ZNF525: variants seen among roughly 807,000 people sequenced by gnomAD.
The protein encoded by ZNF525 is zinc finger protein 525.
A neutral mutation model predicts 37.6 loss-of-function variants in ZNF525; 33 were observed. That is an observed-to-expected ratio of 0.88 (90% confidence interval 0.67 to 1.17). ZNF525 has a LOEUF of 1.17. ZNF525 is among the 50% of genes most tolerant of loss of function. The probability of loss-of-function intolerance (pLI) is 0.00; values close to 1 mark genes in which losing one functional copy is unlikely to be tolerated. For synonymous variants in ZNF525, 170 were observed against 182.3 expected (o/e 0.93, Z 0.54); for missense variants, 449 against 543.1 (o/e 0.83, Z 1.72).
At position 53,382,037 on chromosome 19, in the gene ZNF525, G is replaced by C; in HGVS notation, c.*18G>C. ...TCAAATAAAATCTTGAAATACGTCA[G>C]AAAATTCATACTGGAGAGAAATGTT... On this transcript the variant is annotated 3_prime_UTR_variant, in exon 4 of 4. Transcript: ENST00000474037. 3.0e-6 allele frequency: 4 copies of C among 1,344,756 alleles called. No individual in the cohort carries two copies. The highest frequency in any genetic ancestry group is 4.2e-6 in the Non-Finnish European group (4 of 951,200). The allele number at this position is 1,344,756 out of a possible 1,614,324, so 83.3% of individuals were successfully genotyped here.
chr19:53,370,413 CA>C (rs202164037), intron 1 of ZNF525, among the ~76,000 whole-genome samples: 3,374 of 118,160 alleles, frequency 0.029, 123 homozygotes, highest in African/African-American at 0.09. Context: ...GACTCCATGT[CA>C]AAAAAAAAAA....
chr19:53,375,446 G>A (rs938608624), intron 2 of ZNF525, among the ~76,000 whole-genome samples: 14 of 152,056 alleles, frequency 9.2e-5, no homozygotes, highest in African/African-American at 2.2e-4. Flanking sequence ...TTAAATTGGC[G>A]TGGTGGCATG....
At position 53,379,278 on chromosome 19, in the gene ZNF525, G is replaced by A. The variant is rs376242422; in HGVS notation, c.143-1444G>A. The A allele has an allele frequency of 2.6e-5, 4 of 152,106 alleles. No individual in the cohort carries two copies. In the East Asian group the frequency reaches 7.7e-4, roughly 29 times the overall value. The allele number at this position is 152,106 out of a possible 1,614,324, so 9.4% of individuals were successfully genotyped here. On this transcript the variant is annotated intron_variant, in intron 3 of 3. Coordinates refer to ENST00000474037, the MANE Select transcript of ZNF525 (RefSeq NM_001348156.2). Reference sequence around the variant, plus strand: ...TTACAGGCACCCGCCACCACACCCAGCTAATTTTTTTGTATTTTTAGTAGA... The same window carrying A: ...TTACAGGCACCCGCCACCACACCCAACTAATTTTTTTGTATTTTTAGTAGA...
Position 53,382,612 on chromosome 19 carries a change from TTACC to T in ZNF525, c.*594_*597del. The T allele has an allele frequency of 1.5e-6, 1 of 680,374 alleles. No homozygotes were observed. The highest frequency in any genetic ancestry group is 2.7e-6 in the Non-Finnish European group (1 of 365,578). The allele number at this position is 680,374 out of a possible 1,614,324, so 42.1% of individuals were successfully genotyped here. ...CCTTTCATAGGCAGTCAGCGCTTAT[TTACC>T]ATCAAGCAATCCATGGCAGAGGGAA... On this transcript the variant is annotated 3_prime_UTR_variant, in exon 4 of 4. Coordinates refer to ENST00000474037, the MANE Select transcript of ZNF525 (RefSeq NM_001348156.2).
rs1215795214 is a variant in ZNF525, at chr19:53,382,227, C to T, written c.*208C>T. The T allele has an allele frequency of 5.1e-5, 80 of 1,573,872 alleles. No individual in the cohort carries two copies. The highest frequency in any genetic ancestry group is 1.9e-5 in the Non-Finnish European group (22 of 1,144,194). The stretch of plus-strand genomic sequence containing the variant: ...TAGGAGAATTCACACTGGTGAGAAA[C>T]CTTACAGGTGTAATAGGTGTGGCAA... On this transcript the variant is annotated 3_prime_UTR_variant, in exon 4 of 4. Transcript: ENST00000474037.
At position 53,368,550 on chromosome 19, in the gene ZNF525, C is replaced by A. The variant is rs142942042; in HGVS notation, c.-68+2791C>A. On this transcript the variant is annotated intron_variant, in intron 1 of 3. Coordinates refer to ENST00000474037, the MANE Select transcript of ZNF525 (RefSeq NM_001348156.2). ...TTTTGCTTCTTAAGGCCAGTGGTCT[C>A]CTATGTTAGTCCTTCTACAAACATA... Among the ~76,000 whole-genome samples, 979 of 152,226 alleles carry A rather than the reference C, an allele frequency of 6.4e-3. 3 individuals carry two copies. The highest frequency in any genetic ancestry group is 0.01 in the Non-Finnish European group (689 of 68,018).
intron 1 of ZNF525, among the ~76,000 whole-genome samples, chr19:53,367,049 T>C (rs1419047340): frequency 1.3e-5 from 2 of 152,150 alleles, no homozygotes; most frequent in African/African-American, 4.8e-5. Context: ...ATCTATAGCA[T>C]AGCATAACTT....
rs2085519716 is a variant in ZNF525, at chr19:53,376,065, A to T, written c.142+169A>T. On this transcript the variant is annotated intron_variant, in intron 3 of 3. Coordinates refer to ENST00000474037, the MANE Select transcript of ZNF525 (RefSeq NM_001348156.2). ...TGGGCTCAAGTGATTGTCCCACCTC[A>T]GCCTCCCCTCGTAGTGGTACAGGTG... 9 of 1,441,824 alleles carry T rather than the reference A, an allele frequency of 6.2e-6. No homozygotes were observed. In the South Asian group the frequency reaches 1.1e-4, roughly 18 times the overall value. The allele number at this position is 1,441,824 out of a possible 1,614,324, so 89.3% of individuals were successfully genotyped here. A position where few individuals can be genotyped will look rare whatever the true frequency, so the allele number is the denominator to read the frequency against.
chr19:53,382,685 A>G lies in ZNF525; in HGVS notation c.*666A>G. On this transcript the variant is annotated 3_prime_UTR_variant, in exon 4 of 4. Transcript: ENST00000474037. The stretch of plus-strand genomic sequence containing the variant: ...TTGTCACCACGTCTTCAGTAATGCT[A>G]CAACTATTGCAAATCATTGGAGAAT... 1 of 739,980 alleles carries G rather than the reference A, an allele frequency of 1.4e-6. No homozygotes were observed. The highest frequency in any genetic ancestry group is 2.5e-6 in the Non-Finnish European group (1 of 404,706). 45.8% of individuals were successfully genotyped at this position (739,980 alleles called of 1,614,324 possible). A position where few individuals can be genotyped will look rare whatever the true frequency, so the allele number is the denominator to read the frequency against.
chr19:53,383,364 C>T lies in ZNF525; in HGVS notation c.*1345C>T, dbSNP rs960700442. ...TTTCAATCAACAAGCACACGTTGCA[C>T]GTCATCATAGAATTCATACTGGAGA... On this transcript the variant is annotated 3_prime_UTR_variant, in exon 4 of 4. Transcript: ENST00000474037. 13 of 1,189,200 alleles carry T rather than the reference C, an allele frequency of 1.1e-5. No homozygotes were observed. In the Admixed American group the frequency reaches 1.1e-4, roughly 10 times the overall value. The allele number at this position is 1,189,200 out of a possible 1,614,324, so 73.7% of individuals were successfully genotyped here.
chr19:53,386,565 G>C lies in ZNF525; in HGVS notation c.*4546G>C. 4 of 429,138 alleles carry C rather than the reference G, an allele frequency of 9.3e-6. No homozygotes were observed. Among genetic ancestry groups the C allele is most frequent in the Non-Finnish European group, 1.7e-5 (4 of 232,860 alleles). The allele number at this position is 429,138 out of a possible 1,614,324, so 26.6% of individuals were successfully genotyped here. On this transcript the variant is annotated 3_prime_UTR_variant, in exon 4 of 4. Coordinates refer to ENST00000474037, the MANE Select transcript of ZNF525 (RefSeq NM_001348156.2). ...TGGTTGGCTGTGTTCAGTAATAAACGTGAGACTTTTCATTTCAAAACAAAA... is the reference window on the plus strand; with the variant it reads ...TGGTTGGCTGTGTTCAGTAATAAACCTGAGACTTTTCATTTCAAAACAAAA...
intron 1 of ZNF525, among the ~76,000 whole-genome samples, chr19:53,369,882 GC>G (rs1472317713): frequency 2.8e-5 from 4 of 143,200 alleles, no homozygotes; most frequent in African/African-American, 1.1e-4. Context: ...CCGCCACCAC[GC>G]CCAGCTAATT....
Position 53,385,060 on chromosome 19 carries a change from G to C in ZNF525, c.*3041G>C, listed in dbSNP as rs2085595416. 7.3e-6 allele frequency: 5 copies of C among 682,636 alleles called. No individual in the cohort carries two copies. Among genetic ancestry groups the C allele is most frequent in the African/African-American group, 7.2e-5 (4 of 55,910 alleles). 42.3% of individuals were successfully genotyped at this position (682,636 alleles called of 1,614,324 possible). ...GGTTTTAATCTTTCATTCTGTTCTA[G>C]TGGTATATAACATTGATTTGCTTGA... is the stretch of plus-strand genomic sequence containing the variant. On this transcript the variant is annotated 3_prime_UTR_variant, in exon 4 of 4. Transcript: ENST00000474037.
chr19:53,383,070 A>G lies in ZNF525; in HGVS notation c.*1051A>G. 5 of 1,420,076 alleles carry G rather than the reference A, an allele frequency of 3.5e-6. No homozygotes were observed. Among genetic ancestry groups the G allele is most frequent in the Non-Finnish European group, 3.9e-6 (4 of 1,015,632 alleles). 88.0% of individuals were successfully genotyped at this position (1,420,076 alleles called of 1,614,324 possible). On this transcript the variant is annotated 3_prime_UTR_variant, in exon 4 of 4. Coordinates refer to ENST00000474037, the MANE Select transcript of ZNF525 (RefSeq NM_001348156.2). ...CTTCATACTGGAGAGAACGCTTGCA[A>G]GTGTAATAAATGTGGCGAGGTTTTT...
chr19:53,365,715 A>T lies in ZNF525; in HGVS notation c.-112A>T, dbSNP rs981947003. On this transcript the variant is annotated 5_prime_UTR_variant, in exon 1 of 4. Coordinates refer to ENST00000474037, the MANE Select transcript of ZNF525 (RefSeq NM_001348156.2). ...TGTCCTTCCCCGCTCAGACGCGCGC[A>T]AACCCGGAAGCAGATCGCGTGGAGT... 7 of 177,778 alleles carry T rather than the reference A, an allele frequency of 3.9e-5. No homozygotes were observed. The highest frequency in any genetic ancestry group is 1.7e-4 in the African/African-American group (7 of 41,882). The allele number at this position is 177,778 out of a possible 1,614,324, so 11.0% of individuals were successfully genotyped here. A position where few individuals can be genotyped will look rare whatever the true frequency, so the allele number is the denominator to read the frequency against.
chr19:53,366,637 G>A (rs916584449), intron 1 of ZNF525, among the ~76,000 whole-genome samples: 5 of 151,894 alleles, frequency 3.3e-5, no homozygotes, highest in Non-Finnish European at 4.4e-5. Context: ...AGCAAGGTAG[G>A]GAGAGGGACA....
chr19:53,369,715 C>CTTTTTTTTTTTT (rs57431960), intron 1 of ZNF525, among the ~76,000 whole-genome samples: 1 of 81,202 alleles, frequency 1.2e-5, no homozygotes, highest in African/African-American at 6.4e-5. Context: ...AAAGAAGTTT[C>CTTTTTTTTTTTT]TTTTTTTTTT....
rs529753269 is a variant in ZNF525, at chr19:53,371,013, G to T, written c.-67-1202G>T. 7.9e-5 allele frequency among the ~76,000 whole-genome samples: 12 copies of T among 152,248 alleles called. No homozygotes were observed. In the East Asian group the frequency reaches 2.3e-3, roughly 29 times the overall value. ...AAACATCAGAACCTTTCCTGTCTCA[G>T]GTCGTTGTCCCTGCTCTTAACCTAT... On this transcript the variant is annotated intron_variant, in intron 1 of 3. Coordinates refer to ENST00000474037, the MANE Select transcript of ZNF525 (RefSeq NM_001348156.2).
At chr19:53,371,154 A>G (rs1260139280) in intron 1 of ZNF525, among the ~76,000 whole-genome samples, 2 of 148,556 alleles carry the variant, frequency 1.3e-5, no homozygotes, top group Admixed American at 6.7e-5. Flanking sequence ...TCTCTATCAC[A>G]TGACTCAGGT....
Sources: gnomAD v4.1 joint callset for allele counts (sites outside exome capture counted in the v4.1 genomes callset) on GRCh38, gnomAD v4.1.1 for gene constraint, MANE v1.5 for transcripts, NCBI Gene and HGNC (gene_info 2026-07-23, HGNC 2026-07-21) for gene names.